Variants in ABHD2 observed in about 807,000 individuals in gnomAD.
ABHD2 encodes monoacylglycerol lipase ABHD2.
Under a neutral mutation model 48.1 loss-of-function variants are expected in ABHD2, and 20 were observed. The observed-to-expected ratio is 0.42, with a 90% CI of 0.29 to 0.60. ABHD2 has a LOEUF of 0.60. ABHD2 is among the 20% of genes least tolerant of loss of function. The pLI is 0.24. For missense variants in ABHD2, 405 were observed against 550.9 expected (o/e 0.74, Z 2.65); for synonymous variants, 209 against 214.2 (o/e 0.98, Z 0.21).
chr15:89,175,869 C>T lies in ABHD2; in HGVS notation c.596C>T (p.Thr199Ile). ...VNYIKKTYPLTQLVVVGFSLG... is the reference protein window; with the variant it reads ...VNYIKKTYPLIQLVVVGFSLG... ...TACATCAAGAAGACATATCCCCTGA[C>T]CCAGCTGGTCGTCGTGGGCTTCAGC... The change falls in exon 6 of 11, where the codon ACC becomes ATC. Residue 199 changes from threonine to isoleucine, a missense_variant. Thr to Ile is a moderately conservative substitution (Grantham distance 89). Transcript: ENST00000352732. This position sits in a 1 kb window ranked among gnomAD's most constrained non-coding sequence, Gnocchi z 5.7. 6.2e-7 allele frequency: 1 copy of T among 1,614,104 alleles called. No individual in the cohort carries two copies. The highest frequency in any genetic ancestry group is 8.5e-7 in the Non-Finnish European group (1 of 1,179,998).
At chr15:89,072,655 C>G in the ABHD2 span, among the ~76,000 whole-genome samples, 4 of 152,052 alleles carry the variant, frequency 2.6e-5, no homozygotes, top group Non-Finnish European at 5.9e-5. Context: ...TTGAGAAGGT[C>G]ATTTGTTACT....
chr15:89,088,312 T>C (rs1197161492), upstream of ABHD2: 1 of 152,450 alleles, frequency 6.6e-6, no homozygotes, highest in African/African-American at 2.4e-5. The surrounding 1 kb of genome is among the most constrained non-coding windows in gnomAD (Gnocchi z 6.8). Context: ...GATCCCCTCC[T>C]AGACGCAATG....
At chr15:89,181,223 T>C (rs976318833) in intron 6 of ABHD2, among the ~76,000 whole-genome samples, 29 of 70,324 alleles carry the variant, frequency 4.1e-4, no homozygotes, top group African/African-American at 2.0e-3. Flanking sequence ...AGCGAGACTC[T>C]GTCTCAAAAA....
At chr15:89,068,754 CTTTTTTTTTTTTTTT>C in the ABHD2 span, among the ~76,000 whole-genome samples, 73 of 71,394 alleles carry the variant, frequency 1.0e-3, no homozygotes, top group South Asian at 4.7e-3. Flanking sequence ...CAAGCTTCCT[CTTTTTTTTTTTTTTT>C]TTTTTTTTTT....
At chr15:89,161,186 G>A (rs1395710243) in intron 5 of ABHD2, among the ~76,000 whole-genome samples, 1 of 151,966 alleles carries the variant, frequency 6.6e-6, no homozygotes, top group Non-Finnish European at 1.5e-5. Flanking sequence ...CACAGATACA[G>A]GTTTTACTCC....
chr15:89,143,408 C>G (rs2050437798), intron 3 of ABHD2, among the ~76,000 whole-genome samples: 1 of 152,196 alleles, frequency 6.6e-6, no homozygotes, highest in Non-Finnish European at 1.5e-5. Context: ...TGGCTCACGC[C>G]TGTAATCCCA....
rs1284944189 is a variant in ABHD2, at chr15:89,151,783, A to G, written c.301A>G (p.Ile101Val). Residue 101 changes from isoleucine to valine, a missense_variant, in exon 4 of 11, where the codon ATC (isoleucine) becomes GTC (valine). Transcript: ENST00000352732. The surrounding 1 kb of genome is among the most constrained non-coding windows in gnomAD (Gnocchi z 4.7). ...SPHPYGHRKF[I>V]TMSDGATSTF... ...ACATCCTTATGGGCACCGGAAGTTC[A>G]TCACTATGTCTGATGGAGCCACTTC... 1 of 1,614,242 alleles carries G rather than the reference A, an allele frequency of 6.2e-7. No individual in the cohort carries two copies. The highest frequency in any genetic ancestry group is 1.7e-5 in the Admixed American group (1 of 60,032).
At chr15:89,162,050 T>A (rs2050770361) in intron 5 of ABHD2, among the ~76,000 whole-genome samples, 1 of 152,204 alleles carries the variant, frequency 6.6e-6, no homozygotes, top group African/African-American at 2.4e-5. Flanking sequence ...CCAGTCATCC[T>A]GAATTAGGGC....
the ABHD2 span, among the ~76,000 whole-genome samples, chr15:89,078,523 C>A: frequency 1.3e-5 from 2 of 152,236 alleles, no homozygotes; most frequent in South Asian, 4.1e-4. Context: ...CTATTATGAA[C>A]GTTATTGTCC....
At chr15:89,069,395 T>G in the ABHD2 span, among the ~76,000 whole-genome samples, 1 of 152,106 alleles carries the variant, frequency 6.6e-6, no homozygotes, top group African/African-American at 2.4e-5. Context: ...TCCAAGTAAC[T>G]GGGATTACAG....
intron 1 of ABHD2, among the ~76,000 whole-genome samples, chr15:89,103,316 G>GA (rs1596065121): frequency 6.6e-6 from 1 of 152,108 alleles, no homozygotes; most frequent in African/African-American, 2.4e-5. Context: ...TTATCTTGAG[G>GA]ATATCCGTGC....
In ABHD2 at chr15:89,201,547, C is replaced by G; in HGVS notation, c.*6124C>G. 6.3e-7 allele frequency: 1 copy of G among 1,595,562 alleles called. No individual in the cohort carries two copies. The highest frequency in any genetic ancestry group is 8.6e-7 in the Non-Finnish European group (1 of 1,163,246). On this transcript the variant is annotated 3_prime_UTR_variant, in exon 11 of 11. Transcript: ENST00000352732. Reference sequence around the variant, plus strand: ...TTGTGTTTACTCTTTTCATTCGGATCATAGTCAAAGGGCTGTAGCATTACT... The same window carrying G: ...TTGTGTTTACTCTTTTCATTCGGATGATAGTCAAAGGGCTGTAGCATTACT...
intron 6 of ABHD2, among the ~76,000 whole-genome samples, chr15:89,181,228 C>CAAAAAAAA (rs61411388): frequency 3.5e-4 from 24 of 69,144 alleles, no homozygotes; most frequent in Non-Finnish European, 5.1e-4. Context: ...GACTCTGTCT[C>CAAAAAAAA]AAAAAAAAAA....
rs1167234685 is a variant in ABHD2 at position 89,189,321 on chromosome 15, CA to C, written c.926+1027del. Among the ~76,000 whole-genome samples the C allele has an allele frequency of 1.3e-5, 2 of 148,990 alleles. No individual in the cohort carries two copies. Among genetic ancestry groups the C allele is most frequent in the Non-Finnish European group, 3.0e-5 (2 of 67,142 alleles). On this transcript the variant is annotated intron_variant, in intron 8 of 10. Coordinates refer to ENST00000352732, the MANE Select transcript of ABHD2 (RefSeq NM_152924.5). This position sits in a 1 kb window ranked among gnomAD's most constrained non-coding sequence, Gnocchi z 4.9. ...GCAACATAGCAAGTCCCTGTCTCTA[CA>C]AAAAAAAATTGAAAAATAAAAATAG...
chr15:89,042,926 C>G, the ABHD2 span, among the ~76,000 whole-genome samples: 2 of 152,100 alleles, frequency 1.3e-5, no homozygotes, highest in African/African-American at 4.8e-5. Context: ...CCTCAACTTC[C>G]CAAAGTGCTG....
chr15:89,187,212 C>T (rs1163249564), intron 7 of ABHD2, among the ~76,000 whole-genome samples: 2 of 152,188 alleles, frequency 1.3e-5, no homozygotes, highest in Non-Finnish European at 2.9e-5. Context: ...TGCTAAAGGA[C>T]CCAGTCTTGC....
Position 89,201,545 on chromosome 15 carries a change from A to T in ABHD2, c.*6122A>T. ...ACTTGTGTTTACTCTTTTCATTCGG[A>T]TCATAGTCAAAGGGCTGTAGCATTA... On this transcript the variant is annotated 3_prime_UTR_variant, in exon 11 of 11. Transcript: ENST00000352732. 1.3e-6 allele frequency: 2 copies of T among 1,595,188 alleles called. No individual in the cohort carries two copies. The highest frequency in any genetic ancestry group is 1.7e-6 in the Non-Finnish European group (2 of 1,162,978).
chr15:89,060,357 C>T, the ABHD2 span, among the ~76,000 whole-genome samples: 1 of 151,766 alleles, frequency 6.6e-6, no homozygotes, highest in East Asian at 1.9e-4. Context: ...TCCTAAAGTG[C>T]TGGGATTACA....
At chr15:89,103,782 C>A (rs1018411498) in intron 1 of ABHD2, 1 of 152,260 alleles carries the variant, frequency 6.6e-6, no homozygotes, top group African/African-American at 2.4e-5. Flanking sequence ...AGCTCTTTAG[C>A]TCTCATAATC....
Sources: gnomAD v4.1 joint callset for allele counts (sites outside exome capture counted in the v4.1 genomes callset) on GRCh38, gnomAD v4.1.1 for gene constraint, Gnocchi (gnomAD v3.1) non-coding constraint, MANE v1.5 for transcripts, NCBI Gene and HGNC (gene_info 2026-07-23, HGNC 2026-07-21) for gene names.